TRPM3: variants seen among roughly 807,000 people sequenced by gnomAD.
The protein encoded by TRPM3 is transient receptor potential cation channel subfamily M member 3.
Under a neutral mutation model 181.2 loss-of-function variants are expected in TRPM3, and 77 were observed. The observed-to-expected ratio is 0.42, with a 90% CI of 0.35 to 0.51. TRPM3 has a LOEUF of 0.51. Ranked by LOEUF, TRPM3 falls within the 20% of genes least tolerant of loss-of-function variation. The pLI is 0.01. For synonymous variants in TRPM3, 745 were observed against 796.4 expected (o/e 0.94, Z 1.09); for missense variants, 1,759 against 2,196.7 (o/e 0.80, Z 3.98).
chr9:70,678,200 G>T (rs890971699), intron 9 of TRPM3, among the ~76,000 whole-genome samples: 3 of 152,108 alleles, frequency 2.0e-5, no homozygotes, highest in Non-Finnish European at 4.4e-5. Flanking sequence ...GCTACTCGAG[G>T]TCATCAGCTG....
intron 1 of TRPM3, among the ~76,000 whole-genome samples, chr9:71,430,577 G>T (rs2093939023): frequency 6.6e-6 from 1 of 152,088 alleles, no homozygotes; most frequent in South Asian, 2.1e-4. Context: ...ACTTTGGGAG[G>T]CTGAGGCGGG....
intron 1 of TRPM3, among the ~76,000 whole-genome samples, chr9:71,022,256 C>T (rs763392485): frequency 1.1e-4 from 17 of 152,154 alleles, no homozygotes; most frequent in African/African-American, 1.9e-4. Context: ...TATGTCTAAC[C>T]AATTTTTGAC....
chr9:71,231,808 T>G (rs1431692344), intron 1 of TRPM3, among the ~76,000 whole-genome samples: 1 of 152,150 alleles, frequency 6.6e-6, no homozygotes, highest in Non-Finnish European at 1.5e-5. Flanking sequence ...GGGTTTGGGT[T>G]AAAAAACTAC....
At chr9:71,158,032 T>C (rs1007752719) in intron 1 of TRPM3, among the ~76,000 whole-genome samples, 1 of 152,140 alleles carries the variant, frequency 6.6e-6, no homozygotes, top group East Asian at 1.9e-4. Context: ...ACTTTTCTTA[T>C]CGAAAACCTA....
At chr9:71,043,446 A>T (rs2059059081) in intron 1 of TRPM3, among the ~76,000 whole-genome samples, 1 of 152,218 alleles carries the variant, frequency 6.6e-6, no homozygotes, top group African/African-American at 2.4e-5. Context: ...AAAATCCCTG[A>T]GTACATAAAA....
intron 7 of TRPM3, among the ~76,000 whole-genome samples, chr9:70,764,499 G>A (rs1041804685): frequency 2.0e-5 from 3 of 152,090 alleles, no homozygotes; most frequent in African/African-American, 7.2e-5. Flanking sequence ...TATCCAATCT[G>A]TCACTTTCTA....
At position 71,159,238 on chromosome 9, in the gene TRPM3, C is replaced by T. The variant is rs1027700343; in HGVS notation, c.183+287415G>A. Reference sequence around the variant, plus strand: ...TCGGTTCTTTGGAGAATGGTGACTACTACAGAGCTATTTGATAAGCTCTGA... The same window carrying T: ...TCGGTTCTTTGGAGAATGGTGACTATTACAGAGCTATTTGATAAGCTCTGA... On this transcript the variant is annotated intron_variant, in intron 1 of 24. Coordinates refer to the TRPM3 transcript ENST00000357533. Among the ~76,000 whole-genome samples, 6 of 151,738 alleles carry T rather than the reference C, an allele frequency of 4.0e-5. 1 individual carries two copies. The East Asian group carries it at 1.2e-3, about 30-fold the overall frequency.
At chr9:71,008,888 G>A (rs1367541024) in intron 1 of TRPM3, among the ~76,000 whole-genome samples, 1 of 152,154 alleles carries the variant, frequency 6.6e-6, no homozygotes, top group Non-Finnish European at 1.5e-5. Context: ...TGTCAATTGG[G>A]ATTCATCCCA....
chr9:71,037,055 C>T (rs899995077), intron 1 of TRPM3, among the ~76,000 whole-genome samples: 2 of 152,062 alleles, frequency 1.3e-5, no homozygotes, highest in Non-Finnish European at 1.5e-5. Context: ...ACAGTGGCAA[C>T]AGTAAAAGTA....
intron 1 of TRPM3, among the ~76,000 whole-genome samples, chr9:71,332,541 G>A (rs1003050226): frequency 6.6e-6 from 1 of 151,114 alleles, no homozygotes; most frequent in Admixed American, 6.6e-5. Flanking sequence ...TCATAAGAAT[G>A]CAGTAGATTC....
chr9:71,285,524 G>A (rs2085209496), intron 1 of TRPM3, among the ~76,000 whole-genome samples: 1 of 152,122 alleles, frequency 6.6e-6, no homozygotes, highest in South Asian at 2.1e-4. Context: ...TTCCGAGGCT[G>A]CCGATCCGTT....
intron 1 of TRPM3, among the ~76,000 whole-genome samples, chr9:71,404,780 C>T (rs111751201): frequency 7.9e-5 from 12 of 152,296 alleles, no homozygotes; most frequent in African/African-American, 2.4e-4. Context: ...CTCCCTCTAA[C>T]TTCTATGCCC....
chr9:70,791,284 C>A (rs1462971859), intron 6 of TRPM3, among the ~76,000 whole-genome samples: 1 of 152,156 alleles, frequency 6.6e-6, no homozygotes, highest in African/African-American at 2.4e-5. Flanking sequence ...CTCAGGAAAG[C>A]ATTTGGAAAT....
In TRPM3 at chr9:71,134,018, C is replaced by CGA. The variant is rs879270122; in HGVS notation, c.184-269508_184-269507insTC. ...GTGTGTGTGTGTGTGTGTGTGTGCG[C>CGA]GTGCGCGCGCGCGCGTGTCTGTGTT... On this transcript the variant is annotated intron_variant, in intron 1 of 24. Transcript: ENST00000357533. 5.6e-3 allele frequency among the ~76,000 whole-genome samples: 741 copies of CGA among 131,226 alleles called. 11 individuals carry two copies. Among genetic ancestry groups the CGA allele is most frequent in the Non-Finnish European group, 6.0e-3 (368 of 61,316 alleles). The allele number at this position is 131,226 out of a possible 152,430, so 86.1% of individuals were successfully genotyped here.
At chr9:70,822,637 T>C (rs144647415) in intron 6 of TRPM3, among the ~76,000 whole-genome samples, 8 of 152,140 alleles carry the variant, frequency 5.3e-5, no homozygotes, top group East Asian at 3.9e-4. Flanking sequence ...GTGGTGATCA[T>C]TGCACAAAAA....
intron 1 of TRPM3, among the ~76,000 whole-genome samples, chr9:71,169,692 C>T (rs553909560): frequency 4.6e-5 from 7 of 151,848 alleles, no homozygotes; most frequent in East Asian, 1.9e-4. Flanking sequence ...CGGTGTCTCA[C>T]GCCTGTAATC....
chr9:71,107,957 C>T (rs191040607), intron 1 of TRPM3, among the ~76,000 whole-genome samples: 2 of 152,246 alleles, frequency 1.3e-5, no homozygotes, highest in East Asian at 3.9e-4. Context: ...GAAGAATTGA[C>T]AAAGCTTGTG....
At chr9:70,693,739 T>G (rs2134496904) in intron 8 of TRPM3, among the ~76,000 whole-genome samples, 1 of 152,288 alleles carries the variant, frequency 6.6e-6, no homozygotes, top group South Asian at 2.1e-4. Flanking sequence ...ATGCCCTTGG[T>G]TTACCTCTCT....
intron 1 of TRPM3, among the ~76,000 whole-genome samples, chr9:71,191,867 A>G (rs1047473547): frequency 6.0e-5 from 9 of 151,152 alleles, no homozygotes; most frequent in Non-Finnish European, 8.9e-5. Flanking sequence ...CCTCTGCTTC[A>G]GGGTGATGTC....
Sources: allele counts gnomAD v4.1 joint callset (sites outside exome capture counted in the v4.1 genomes callset), GRCh38; gene constraint gnomAD v4.1.1; transcripts MANE v1.5; gene names NCBI Gene and HGNC (gene_info 2026-07-23, HGNC 2026-07-21).